BAIAP2: variants seen among roughly 807,000 people sequenced by gnomAD.
BAIAP2 encodes the protein BAR/IMD domain containing adaptor protein 2.
In BAIAP2, 18 loss-of-function variants were observed where a neutral mutation model predicts 63.0. The ratio of observed to expected loss-of-function variants is 0.29; its 90% CI spans 0.20 to 0.42. BAIAP2 has a LOEUF of 0.42. Among genes scored for constraint, BAIAP2 ranks in the 10% least tolerant of loss-of-function variants. The pLI is 1.00. For synonymous variants in BAIAP2, 386 were observed against 307.6 expected, an observed-to-expected ratio of 1.25 and a Z score of -2.67; for missense variants, 610 against 734.3, an observed-to-expected ratio of 0.83 and a Z score of 1.96.
At chr17:81,053,486 TC>T in intron 1 of BAIAP2, 181 bp from the exon 2 acceptor site, 3 of 648,630 alleles carry the variant, frequency 4.6e-6, no homozygotes, top group Middle Eastern at 4.1e-4. Flanking sequence ...AAGGTCATTT[TC>T]CCAAGGACAT....
Position 81,100,065 on chromosome 17 carries a change from G to A in BAIAP2, c.627G>A (p.Ala209=), listed in dbSNP as rs746438078. 8.4e-5 allele frequency: 135 copies of A among 1,610,852 alleles called. 1 individual carries two copies. Among genetic ancestry groups the A allele is most frequent in the Middle Eastern group, 1.9e-4 (1 of 5,182 alleles). The change falls in exon 7 of 14, where the codon GCG becomes GCA. Residue 209 remains alanine (A), a synonymous_variant. Coordinates refer to ENST00000428708, the MANE Select transcript of BAIAP2 (RefSeq NM_001144888.2). ...AGTGCGCCGTGGCCAAGAACTCCGC[G>A]GCCTACCACTCCAAGGTGAGGCGGC... ...EKQCAVAKNS[A]AYHSKGKELL... is the part of the protein sequence containing the mutation.
chr17:81,100,217 C>T (rs2145808426), intron 7 of BAIAP2, 137 bp downstream of exon 7: 2 of 1,267,310 alleles, frequency 1.6e-6, no homozygotes, highest in Non-Finnish European at 2.1e-6. Flanking sequence ...TTCGGGTTTT[C>T]TTGGGGGTGA....
intron 13 of BAIAP2, among the ~76,000 whole-genome samples, chr17:81,115,475 G>A (rs1024756693): frequency 3.3e-5 from 5 of 149,370 alleles, no homozygotes; most frequent in East Asian, 1.9e-4. Flanking sequence ...GGCCTGCCCC[G>A]CCCCACCCCG....
intron 3 of BAIAP2, among the ~76,000 whole-genome samples, chr17:81,060,555 A>G (rs745661202): frequency 6.6e-6 from 1 of 152,138 alleles, no homozygotes; most frequent in Admixed American, 6.5e-5. Flanking sequence ...ACGATGATCC[A>G]TTGCACAGGC....
At chr17:81,089,385 G>A (rs531417196) in intron 6 of BAIAP2, among the ~76,000 whole-genome samples, 67 of 152,314 alleles carry the variant, frequency 4.4e-4, no homozygotes, top group Non-Finnish European at 7.9e-4. Context: ...TGACTCGAGG[G>A]GCCTTGGCCC....
rs1555657837 is a variant in BAIAP2 at position 81,055,569 on chromosome 17, G to GTTTTTTTTTTTTTTTT, written c.130+1830_130+1831insTTTTTTTTTTTTTTTT. On this transcript the variant is annotated intron_variant, in intron 2 of 13. Transcript: ENST00000428708. The stretch of plus-strand genomic sequence containing the variant: ...TTCCTCCAGCGAAAGTCTGCAGGGT[G>GTTTTTTTTTTTTTTTT]TTTTGTTTTTTTTTGAGACGGAGTC... Among the ~76,000 whole-genome samples, 70 of 94,154 alleles carry GTTTTTTTTTTTTTTTT rather than the reference G, an allele frequency of 7.4e-4. 3 individuals carry two copies. The highest frequency in any genetic ancestry group is 1.3e-3 in the East Asian group (4 of 2,976). 61.8% of individuals were successfully genotyped at this position (94,154 alleles called of 152,430 possible).
In BAIAP2 at chr17:81,071,235, G is replaced by C. The variant is rs111604374; in HGVS notation, c.217+13268G>C. Among the ~76,000 whole-genome samples the C allele has an allele frequency of 3.1e-3, 475 of 152,290 alleles. 5 individuals carry two copies. The highest frequency in any genetic ancestry group is 0.011 in the African/African-American group (452 of 41,560). On this transcript the variant is annotated intron_variant, in intron 3 of 13. Transcript: ENST00000428708. ...CAGCAGAGAGAAGGGGCGGGATTGG[G>C]AGTCACCCCCGAGGTGGCGTCCTTG...
intron 6 of BAIAP2, among the ~76,000 whole-genome samples, chr17:81,090,625 C>T (rs2056558637): frequency 6.6e-6 from 1 of 152,250 alleles, no homozygotes; most frequent in South Asian, 2.1e-4. Context: ...GCTTTCTGCT[C>T]CCCAGTGGCC....
chr17:81,060,264 C>T (rs1019625567), intron 3 of BAIAP2, among the ~76,000 whole-genome samples: 1 of 152,106 alleles, frequency 6.6e-6, no homozygotes, highest in African/African-American at 2.4e-5. Flanking sequence ...CAACCATTGC[C>T]CCATCTAACT....
intron 13 of BAIAP2, chr17:81,108,983 G>A: frequency 6.5e-7 from 1 of 1,549,234 alleles, no homozygotes; most frequent in Non-Finnish European, 8.7e-7. Flanking sequence ...GCGGCACGCT[G>A]GTGTCCACAG....
chr17:81,035,178 C>T lies in BAIAP2; in HGVS notation c.-77C>T, dbSNP rs1028291383. ...GGTTCGGGTCCGCTTTCGTCTCCGT[C>T]CTGCTGCCGTTACCGCCGCTGCTGC... On this transcript the variant is annotated 5_prime_UTR_variant, in exon 1 of 14. Coordinates refer to ENST00000428708, the MANE Select transcript of BAIAP2 (RefSeq NM_001144888.2). The T allele has an allele frequency of 1.2e-4, 149 of 1,261,290 alleles. No individual in the cohort carries two copies. Among genetic ancestry groups the T allele is most frequent in the Non-Finnish European group, 1.4e-4 (136 of 938,454 alleles). The allele number at this position is 1,261,290 out of a possible 1,614,324, so 78.1% of individuals were successfully genotyped here. A position where few individuals can be genotyped will look rare whatever the true frequency, so the allele number is the denominator to read the frequency against.
chr17:81,083,895 CTT>C (rs1219698838), intron 3 of BAIAP2: 1 of 152,314 alleles, frequency 6.6e-6, no homozygotes, highest in Non-Finnish European at 1.5e-5. Context: ...GTGCCCCTCT[CTT>C]TGGTGGAAGC....
At chr17:81,092,386 A>G (rs2056925357) in intron 6 of BAIAP2, among the ~76,000 whole-genome samples, 2 of 152,210 alleles carry the variant, frequency 1.3e-5, no homozygotes, top group Non-Finnish European at 2.9e-5. Context: ...AAACAGGGAC[A>G]CACCACACCA....
In BAIAP2 at chr17:81,086,464, A is replaced by G. The variant is rs752146377; in HGVS notation, c.373A>G (p.Thr125Ala). ...YLSAALKKYQTEQRSKGDALD... is the reference protein window; with the variant it reads ...YLSAALKKYQAEQRSKGDALD... ...TCAGGCTGCGCTGAAGAAATACCAG[A>G]CTGAGCAAAGGAGCAAAGGCGACGC... Residue 125 changes from threonine (T) to alanine (A), a missense_variant, in exon 6 of 14, where the codon ACT becomes GCT. Transcript: ENST00000428708. 1 of 1,613,884 alleles carries G rather than the reference A, an allele frequency of 6.2e-7. No homozygotes were observed.
At chr17:81,096,424 C>G (rs2057621928) in intron 6 of BAIAP2, among the ~76,000 whole-genome samples, 2 of 152,378 alleles carry the variant, frequency 1.3e-5, no homozygotes, top group Admixed American at 6.5e-5. Context: ...CCCTCCAAAG[C>G]AGGCACCCCC....
chr17:81,039,954 G>A (rs1457586845), intron 1 of BAIAP2, among the ~76,000 whole-genome samples: 1 of 152,184 alleles, frequency 6.6e-6, no homozygotes, highest in Non-Finnish European at 1.5e-5. Context: ...GCCCTGGTCA[G>A]GGGAGCAACC....
intron 3 of BAIAP2, among the ~76,000 whole-genome samples, chr17:81,068,248 T>A (rs2051873426): frequency 6.6e-6 from 1 of 152,118 alleles, no homozygotes; most frequent in Non-Finnish European, 1.5e-5. Flanking sequence ...GCTGAGAAAC[T>A]CTCTCCCAGG....
intron 1 of BAIAP2, among the ~76,000 whole-genome samples, chr17:81,049,038 G>A (rs1017003686): frequency 6.6e-6 from 1 of 152,258 alleles, no homozygotes; most frequent in African/African-American, 2.4e-5. Context: ...GTGTTCCCTG[G>A]TCAATAGTGA....
At chr17:81,074,343 TGCGTGC>T (rs1355070569) in intron 3 of BAIAP2, among the ~76,000 whole-genome samples, 2 of 149,934 alleles carry the variant, frequency 1.3e-5, no homozygotes, top group African/African-American at 4.9e-5. Flanking sequence ...CGTGTGAGTG[TGCGTGC>T]ACTGGTACAT....
Sources: allele counts gnomAD v4.1 joint callset (sites outside exome capture counted in the v4.1 genomes callset), GRCh38; gene constraint gnomAD v4.1.1; transcripts MANE v1.5; gene names NCBI Gene and HGNC (gene_info 2026-07-23, HGNC 2026-07-21).